NAA11: variants seen among roughly 807,000 people sequenced by gnomAD.
NAA11 encodes N-alpha-acetyltransferase 11, NatA catalytic subunit, also known as N-alpha-acetyltransferase 11.
A neutral mutation model predicts 16.1 loss-of-function variants in NAA11; 15 were observed. That is an observed-to-expected ratio of 0.93 (90% CI 0.62 to 1.44). NAA11 has a LOEUF of 1.44. Among genes scored for constraint, NAA11 ranks in the 40% most tolerant of loss-of-function variants. NAA11 has a pLI of 0.00. For synonymous variants in NAA11, 122 were observed against 112.4 expected, an observed-to-expected ratio of 1.09 and a Z score of -0.54; for missense variants, 298 against 291.3, an observed-to-expected ratio of 1.02 and a Z score of -0.17.
At chr4:79,189,378 A>AT in the NAA11 span, among the ~76,000 whole-genome samples, 369 of 152,204 alleles carry the variant, frequency 2.4e-3, 1 homozygote, top group African/African-American at 8.1e-3. Context: ...AGATGGCAAC[A>AT]TTTTGAGGAA....
intron 2 of NAA11, among the ~76,000 whole-genome samples, chr4:79,243,094 G>T (rs1721730745): frequency 6.6e-6 from 1 of 152,142 alleles, no homozygotes; most frequent in Non-Finnish European, 1.5e-5. Context: ...AAATTTCTGG[G>T]TAGTGGTCTG....
Position 79,280,569 on chromosome 4 carries a change from C to T in NAA11, c.*122+13436G>A, listed in dbSNP as rs190831980. 5.7e-3 allele frequency among the ~76,000 whole-genome samples: 860 copies of T among 151,842 alleles called. 6 individuals carry two copies. The highest frequency in any genetic ancestry group is 0.02 in the African/African-American group (812 of 41,450). On this transcript the variant is annotated intron_variant and NMD_transcript_variant, in intron 2 of 2. Coordinates refer to the NAA11 transcript ENST00000511542. ...GTCGTTTCTTCTTGCTCTAGCTTTT[C>T]CTTGAATTCTGATACATTTTGATAC...
the NAA11 span, among the ~76,000 whole-genome samples, chr4:79,201,729 C>T: frequency 1.3e-5 from 2 of 151,472 alleles, no homozygotes; most frequent in African/African-American, 4.8e-5. Flanking sequence ...TTGCAGTTCT[C>T]TAAAATATTA....
chr4:79,252,164 A>G (rs1451872239), intron 2 of NAA11, among the ~76,000 whole-genome samples: 2 of 152,180 alleles, frequency 1.3e-5, no homozygotes, highest in African/African-American at 4.8e-5. Flanking sequence ...GTGCAATGAT[A>G]GACAATTTAG....
chr4:79,279,748 C>G (rs1037501759), intron 2 of NAA11, among the ~76,000 whole-genome samples: 1 of 152,008 alleles, frequency 6.6e-6, no homozygotes, highest in Non-Finnish European at 1.5e-5. Flanking sequence ...CTGTTTCATA[C>G]CTGATTATTG....
the NAA11 span, among the ~76,000 whole-genome samples, chr4:79,208,925 C>A: frequency 1.2e-3 from 65 of 53,920 alleles, no homozygotes; most frequent in South Asian, 2.6e-3. Flanking sequence ...ATATAACTGC[C>A]AAAAAAAAAA....
chr4:79,248,240 A>G (rs1179946343), intron 2 of NAA11, among the ~76,000 whole-genome samples: 1 of 151,994 alleles, frequency 6.6e-6, no homozygotes, highest in East Asian at 1.9e-4. Flanking sequence ...GTTCCAGCAG[A>G]ACGGCCTCCC....
At chr4:79,187,252 G>A in the NAA11 span, among the ~76,000 whole-genome samples, 5 of 152,194 alleles carry the variant, frequency 3.3e-5, no homozygotes, top group South Asian at 1.0e-3. Flanking sequence ...TGAGGCTAAC[G>A]AACATCCCAA....
At chr4:79,182,969 G>A in the NAA11 span, among the ~76,000 whole-genome samples, 1 of 152,006 alleles carries the variant, frequency 6.6e-6, no homozygotes, top group Non-Finnish European at 1.5e-5. Flanking sequence ...CGACCTCATG[G>A]AAACTTTATT....
chr4:79,247,238 G>A (rs184642024), intron 2 of NAA11, among the ~76,000 whole-genome samples: 1 of 152,244 alleles, frequency 6.6e-6, no homozygotes, highest in Admixed American at 6.5e-5. Context: ...GTATTTATCT[G>A]GCTTAGGAAG....
At chr4:79,222,071 C>A (rs890009674), downstream of NAA11, among the ~76,000 whole-genome samples, 22 of 150,662 alleles carry the variant, frequency 1.5e-4, no homozygotes, top group East Asian at 9.8e-4. Context: ...TTGGTCTATT[C>A]AGAGATTCAA....
At chr4:79,303,434 C>T (rs1370913129) in intron 1 of NAA11, among the ~76,000 whole-genome samples, 3 of 151,892 alleles carry the variant, frequency 2.0e-5, no homozygotes, top group Admixed American at 6.6e-5. Context: ...ACGACAGGTG[C>T]GCATCATTAC....
exon 3 of NAA11, chr4:79,225,870 A>G (rs1721298194): frequency 6.6e-6 from 1 of 152,090 alleles, no homozygotes; most frequent in African/African-American, 2.4e-5. Flanking sequence ...AAACTGGTCA[A>G]TTGTCAATCC....
chr4:79,304,244 G>A (rs1307317954), intron 1 of NAA11, among the ~76,000 whole-genome samples: 1 of 152,178 alleles, frequency 6.6e-6, no homozygotes, highest in African/African-American at 2.4e-5. Context: ...ACAGAGCAGA[G>A]TCAACTGAGT....
the NAA11 span, among the ~76,000 whole-genome samples, chr4:79,169,578 G>A: frequency 1.7e-3 from 132 of 78,854 alleles, no homozygotes; most frequent in African/African-American, 5.9e-3. Flanking sequence ...ACTGGACCCC[G>A]TCTTCATACC....
At chr4:79,321,793 A>G (rs1347520000) in intron 1 of NAA11, among the ~76,000 whole-genome samples, 4 of 152,252 alleles carry the variant, frequency 2.6e-5, no homozygotes, top group Non-Finnish European at 5.9e-5. Context: ...TCAATATGCT[A>G]ACACAAAGCA....
At chr4:79,252,704 G>A (rs185473308) in intron 2 of NAA11, among the ~76,000 whole-genome samples, 51 of 152,258 alleles carry the variant, frequency 3.3e-4, no homozygotes, top group Non-Finnish European at 1.0e-4. Context: ...CAAAGTTGGA[G>A]GGCAGAAAAA....
At chr4:79,235,443 C>A (rs1054697980) in intron 2 of NAA11, among the ~76,000 whole-genome samples, 1 of 152,038 alleles carries the variant, frequency 6.6e-6, no homozygotes, top group Non-Finnish European at 1.5e-5. Flanking sequence ...CCCATATAAA[C>A]CAATTATTCA....
At chr4:79,268,280 G>A (rs1175603200) in intron 2 of NAA11, among the ~76,000 whole-genome samples, 1 of 152,026 alleles carries the variant, frequency 6.6e-6, no homozygotes, top group South Asian at 2.1e-4. Context: ...ATCAATTCTG[G>A]TATTTACAAA....
Sources: allele counts gnomAD v4.1 joint callset (sites outside exome capture counted in the v4.1 genomes callset), GRCh38; gene constraint gnomAD v4.1.1; transcripts MANE v1.5; gene names NCBI Gene and HGNC (gene_info 2026-07-23, HGNC 2026-07-21).